Variants in CHL1 observed in about 807,000 individuals in gnomAD.
CHL1 encodes neural cell adhesion molecule L1-like protein.
A neutral mutation model predicts 141.9 loss-of-function variants in CHL1; 96 were observed. The ratio of observed to expected loss-of-function variants is 0.68; its 90% CI spans 0.57 to 0.80. The LOEUF (loss-of-function observed/expected upper bound fraction) is 0.80. CHL1 is among the 30% of genes least tolerant of loss of function. CHL1 has a pLI of 0.00. For synonymous variants in CHL1, 613 were observed against 502.2 expected, an observed-to-expected ratio of 1.22 and a Z score of -2.95; for missense variants, 1,820 against 1,457.2, an observed-to-expected ratio of 1.25 and a Z score of -4.05.
At chr3:403,378 G>T (rs1340368372) in intron 27 of CHL1, among the ~76,000 whole-genome samples, 1 of 152,148 alleles carries the variant, frequency 6.6e-6, no homozygotes, top group Non-Finnish European at 1.5e-5. Context: ...CTCAAAGGAA[G>T]AGGATTATAC....
chr3:286,597 T>G (rs1697173330), intron 2 of CHL1, among the ~76,000 whole-genome samples: 3 of 122,968 alleles, frequency 2.4e-5, no homozygotes, highest in Admixed American at 1.9e-4. Context: ...GGTGACAGAG[T>G]GAGACTTTGT....
intron 1 of CHL1, among the ~76,000 whole-genome samples, chr3:228,189 T>C (rs1234845450): frequency 6.6e-6 from 1 of 152,196 alleles, no homozygotes; most frequent in Admixed American, 6.5e-5. Context: ...AATATGTTTT[T>C]TAAGGACAAT....
intron 2 of CHL1, among the ~76,000 whole-genome samples, chr3:271,238 T>G (rs188362311): frequency 3.5e-4 from 54 of 152,320 alleles, no homozygotes; most frequent in African/African-American, 1.1e-3. Flanking sequence ...TTTTCAGTTT[T>G]CTCTTACCAA....
chr3:205,404 T>C (rs1699339561), intron 1 of CHL1, among the ~76,000 whole-genome samples: 1 of 152,136 alleles, frequency 6.6e-6, no homozygotes, highest in African/African-American at 2.4e-5. Context: ...ATGAGCCACC[T>C]TACACAGCCC....
intron 26 of CHL1, among the ~76,000 whole-genome samples, chr3:400,512 G>A (rs1056896763): frequency 2.7e-5 from 4 of 148,242 alleles, no homozygotes; most frequent in Non-Finnish European, 5.9e-5. Flanking sequence ...ATATTGTAGA[G>A]CAACTAAGAG....
At chr3:208,398 G>C (rs1365538412) in intron 1 of CHL1, among the ~76,000 whole-genome samples, 6 of 149,830 alleles carry the variant, frequency 4.0e-5, no homozygotes, top group Non-Finnish European at 7.4e-5. Context: ...ATTCAGAACT[G>C]GTGAGGAGAG....
chr3:268,350 A>G (rs78630483), intron 2 of CHL1, among the ~76,000 whole-genome samples: 1,780 of 152,106 alleles, frequency 0.012, 32 homozygotes, highest in African/African-American at 0.04. Flanking sequence ...TCTGGCTAAC[A>G]TGGTGAAATC....
Position 359,047 on chromosome 3 carries a change from A to C in CHL1, c.1166-1237A>C, listed in dbSNP as rs955356545. Among the ~76,000 whole-genome samples the C allele has an allele frequency of 6.1e-5, 9 of 148,436 alleles. 1 individual carries two copies. The highest frequency in any genetic ancestry group is 8.9e-5 in the Non-Finnish European group (6 of 67,356). On this transcript the variant is annotated intron_variant, in intron 11 of 27. Coordinates refer to ENST00000256509, the MANE Select transcript of CHL1 (RefSeq NM_006614.4). Reference sequence around the variant, plus strand: ...ATATTTATATCTATATATATACTATAGATATAGATAAAGATATACACATAC... The same window carrying C: ...ATATTTATATCTATATATATACTATCGATATAGATAAAGATATACACATAC...
At chr3:405,464 G>A in intron 27 of CHL1, 31 bp from the exon 28 acceptor site, 1 of 1,385,864 alleles carries the variant, frequency 7.2e-7, no homozygotes. Flanking sequence ...ATTAGATTTT[G>A]TTGAGCTATT....
At chr3:288,914 T>G (rs1697413848) in intron 2 of CHL1, among the ~76,000 whole-genome samples, 1 of 152,228 alleles carries the variant, frequency 6.6e-6, no homozygotes, top group African/African-American at 2.4e-5. Context: ...GATGAAGACT[T>G]TATCATTTTT....
chr3:216,858 A>G (rs978549406), intron 1 of CHL1, among the ~76,000 whole-genome samples: 2 of 152,234 alleles, frequency 1.3e-5, no homozygotes, highest in Non-Finnish European at 2.9e-5. Flanking sequence ...GAGGCTCAGA[A>G]GCTAACACTG....
chr3:383,997 T>C lies in CHL1; in HGVS notation c.2247+111T>C. ...ATTTTTTTAAGAACAAAGATAAGAT[T>C]TGGAAATGAAATTAACTTGTGAGTC... is the stretch of plus-strand genomic sequence containing the variant. On this transcript the variant is annotated intron_variant, in intron 19 of 27. Transcript: ENST00000256509. 7.4e-6 allele frequency: 5 copies of C among 671,230 alleles called. No individual in the cohort carries two copies. The South Asian group carries it at 1.1e-4, about 15-fold the overall frequency. 41.6% of individuals were successfully genotyped at this position (671,230 alleles called of 1,614,324 possible).
rs1575322566 is a variant in CHL1 at position 407,604 on chromosome 3, C to T, written c.*1893C>T. The T allele has an allele frequency of 6.6e-6, 1 of 152,056 alleles. No individual in the cohort carries two copies. Among genetic ancestry groups the T allele is most frequent in the East Asian group, 1.9e-4 (1 of 5,176 alleles). The allele number at this position is 152,056 out of a possible 1,614,324, so 9.4% of individuals were successfully genotyped here. A position where few individuals can be genotyped will look rare whatever the true frequency, so the allele number is the denominator to read the frequency against. ...TCCAGTTTTCTGGAGGGACAGTCAT[C>T]ATGTTTTGATTTATCTGGGAGAAAA... On this transcript the variant is annotated 3_prime_UTR_variant, in exon 28 of 28. Transcript: ENST00000256509.
intron 2 of CHL1, among the ~76,000 whole-genome samples, chr3:298,030 C>G (rs1698360694): frequency 6.6e-6 from 1 of 152,146 alleles, no homozygotes; most frequent in South Asian, 2.1e-4. Context: ...TGTTAATGCA[C>G]TCCAAAGTGG....
intron 1 of CHL1, among the ~76,000 whole-genome samples, chr3:226,824 A>T (rs558965897): frequency 7.9e-5 from 12 of 152,270 alleles, no homozygotes; most frequent in Non-Finnish European, 1.8e-4. Flanking sequence ...TTTCTTCTCA[A>T]TGCTTAGCAG....
intron 2 of CHL1, among the ~76,000 whole-genome samples, chr3:307,105 C>T (rs894933804): frequency 1.3e-5 from 2 of 152,090 alleles, no homozygotes; most frequent in African/African-American, 4.8e-5. Flanking sequence ...GCATCCTGAC[C>T]TAATTTTTGG....
At chr3:395,882 C>A (rs1378935267) in intron 24 of CHL1, among the ~76,000 whole-genome samples, 1 of 152,116 alleles carries the variant, frequency 6.6e-6, no homozygotes, top group South Asian at 2.1e-4. Flanking sequence ...AGAGAAAATG[C>A]AGTTGCCTAT....
chr3:383,645 A>G (rs1002464396), intron 18 of CHL1, among the ~76,000 whole-genome samples, 171 bp from the exon 19 acceptor site: 7 of 152,166 alleles, frequency 4.6e-5, no homozygotes, highest in Non-Finnish European at 8.8e-5. Context: ...TTTAAATAAA[A>G]TACATATTTA....
intron 1 of CHL1, among the ~76,000 whole-genome samples, chr3:205,255 C>G (rs918809099): frequency 2.6e-5 from 4 of 152,024 alleles, no homozygotes; most frequent in African/African-American, 9.6e-5. Flanking sequence ...GGACTACAGA[C>G]GGGCACCATC....
Sources: allele counts gnomAD v4.1 joint callset (sites outside exome capture counted in the v4.1 genomes callset), GRCh38; gene constraint gnomAD v4.1.1; transcripts MANE v1.5; gene names NCBI Gene and HGNC (gene_info 2026-07-23, HGNC 2026-07-21).